Variants in NREP observed in about 807,000 individuals in gnomAD.
NREP encodes neuronal regeneration-related protein.
Under a neutral mutation model 8.6 loss-of-function variants are expected in NREP, and 5 were observed. The ratio of observed to expected loss-of-function variants is 0.58; its 90% CI spans 0.30 to 1.22. The LOEUF (loss-of-function observed/expected upper bound fraction) is 1.22, where lower values mean the gene tolerates loss of function less well. Ranked by LOEUF, NREP falls within the 50% of genes most tolerant of loss-of-function variation. NREP has a pLI of 0.07. For missense variants in NREP, 86 were observed against 82.5 expected, an observed-to-expected ratio of 1.04 and a Z score of -0.17; for synonymous variants, 27 against 28.0, an observed-to-expected ratio of 0.96 and a Z score of 0.11.
chr5:111,906,289 G>T (rs1754776184), intron 2 of NREP, among the ~76,000 whole-genome samples: 1 of 151,686 alleles, frequency 6.6e-6, no homozygotes, highest in African/African-American at 2.4e-5. Flanking sequence ...TGTGGTAAAA[G>T]ATCAATATTT....
At chr5:111,785,017 A>C (rs1751576442) in intron 2 of NREP, among the ~76,000 whole-genome samples, 1 of 152,104 alleles carries the variant, frequency 6.6e-6, no homozygotes. Context: ...GGAGTTATAC[A>C]GTCATTGACT....
intron 3 of NREP, chr5:111,735,056 A>C (rs1292867778): frequency 3.0e-6 from 1 of 335,366 alleles, no homozygotes; most frequent in Non-Finnish European, 5.4e-6. Flanking sequence ...TAATCTTATC[A>C]GACCTTCAGA....
At chr5:111,935,557 C>A (rs1755659768) in intron 2 of NREP, among the ~76,000 whole-genome samples, 1 of 152,032 alleles carries the variant, frequency 6.6e-6, no homozygotes, top group African/African-American at 2.4e-5. Flanking sequence ...AGGGAGAAGG[C>A]AGAGATAAAG....
chr5:111,898,954 GA>G lies in NREP; in HGVS notation c.135+76319del, dbSNP rs970597988. Among the ~76,000 whole-genome samples, 92 of 146,886 alleles carry G rather than the reference GA, an allele frequency of 6.3e-4. 2 individuals are homozygous for G. The East Asian group carries it at 0.012, about 20-fold the overall frequency. ...AGGTGATATATTCAAAGTGCTGCAA[GA>G]AAAAAAAAATGTCAGCCAAGAACAC... On this transcript the variant is annotated intron_variant, in intron 2 of 3. Transcript: ENST00000395634.
intron 2 of NREP, among the ~76,000 whole-genome samples, chr5:111,913,508 C>T (rs752120258): frequency 6.6e-6 from 1 of 152,070 alleles, no homozygotes; most frequent in Admixed American, 6.6e-5. Flanking sequence ...AAAGGATAGA[C>T]ATCTTCCCAG....
rs1466224156 is a variant in NREP at position 111,943,481 on chromosome 5, G to C, written c.135+31793C>G. ...GATTACTCTTAAACCTATATCTCTA[G>C]CTTGAACTTCTACCCTGAGCTCCAG... On this transcript the variant is annotated intron_variant, in intron 2 of 3. Transcript: ENST00000395634. 2.0e-5 allele frequency among the ~76,000 whole-genome samples: 3 copies of C among 151,982 alleles called. No homozygotes were observed. The South Asian group carries it at 6.2e-4, about 32-fold the overall frequency.
intron 2 of NREP, among the ~76,000 whole-genome samples, chr5:111,932,308 G>T (rs985007124): frequency 6.6e-6 from 1 of 151,954 alleles, no homozygotes; most frequent in Non-Finnish European, 1.5e-5. Flanking sequence ...GGATGAGAAA[G>T]AGCTCATCAC....
intron 2 of NREP, among the ~76,000 whole-genome samples, chr5:111,876,311 CTT>C (rs1033644269): frequency 2.6e-5 from 4 of 152,168 alleles, no homozygotes; most frequent in African/African-American, 9.7e-5. Context: ...GGTGAGGACT[CTT>C]TTGCCCTCAC....
intron 2 of NREP, among the ~76,000 whole-genome samples, chr5:111,900,004 T>G (rs1459860850): frequency 6.6e-6 from 1 of 152,088 alleles, no homozygotes; most frequent in Non-Finnish European, 1.5e-5. Context: ...ATTCTTCTCA[T>G]CAGCACATGG....
chr5:111,836,225 A>G (rs534161526), intron 2 of NREP, among the ~76,000 whole-genome samples: 2 of 152,290 alleles, frequency 1.3e-5, no homozygotes, highest in East Asian at 3.9e-4. Flanking sequence ...GTCTATAGAA[A>G]GAATGAATGA....
intron 2 of NREP, among the ~76,000 whole-genome samples, chr5:111,909,986 T>C (rs1754869510): frequency 6.6e-6 from 1 of 152,150 alleles, no homozygotes; most frequent in African/African-American, 2.4e-5. Flanking sequence ...GATTTCTTTC[T>C]TTTCATGTAA....
intron 2 of NREP, among the ~76,000 whole-genome samples, chr5:111,906,801 T>TGTG (rs1282186629): frequency 6.6e-5 from 10 of 152,162 alleles, no homozygotes; most frequent in African/African-American, 2.4e-4. Context: ...TTATTTGGCA[T>TGTG]CTAAGTATCT....
intron 2 of NREP, among the ~76,000 whole-genome samples, chr5:111,888,179 T>C (rs1754307020): frequency 6.6e-6 from 1 of 152,244 alleles, no homozygotes; most frequent in South Asian, 2.1e-4. Flanking sequence ...TTTTAAATTA[T>C]GAAGCATTAA....
chr5:111,850,332 C>G (rs1753278123), intron 2 of NREP, among the ~76,000 whole-genome samples: 1 of 152,108 alleles, frequency 6.6e-6, no homozygotes, highest in Admixed American at 6.6e-5. Context: ...TGACTTTATT[C>G]AATACAGCCA....
chr5:111,951,685 A>G (rs1423786525), intron 2 of NREP, among the ~76,000 whole-genome samples: 2 of 152,110 alleles, frequency 1.3e-5, no homozygotes, highest in Non-Finnish European at 2.9e-5. Context: ...AAAGTAATGT[A>G]CCAATTTTCA....
intron 2 of NREP, among the ~76,000 whole-genome samples, chr5:111,967,384 C>T (rs529674374): frequency 3.3e-5 from 5 of 152,110 alleles, no homozygotes; most frequent in Non-Finnish European, 7.4e-5. Context: ...CACTTTAATT[C>T]GTATTACACA....
chr5:111,919,536 T>A (rs985583408), intron 2 of NREP, among the ~76,000 whole-genome samples: 1 of 152,082 alleles, frequency 6.6e-6, no homozygotes, highest in African/African-American at 2.4e-5. Context: ...TGGAATACTA[T>A]GCAGCCATAA....
intron 2 of NREP, among the ~76,000 whole-genome samples, chr5:111,880,748 T>A (rs1346896080): frequency 6.7e-6 from 1 of 148,742 alleles, no homozygotes; most frequent in African/African-American, 2.5e-5. Context: ...TTTTTTTTTT[T>A]TTTTTTGAGA....
chr5:111,863,872 C>T (rs1753606020), intron 2 of NREP, among the ~76,000 whole-genome samples: 1 of 152,104 alleles, frequency 6.6e-6, no homozygotes, highest in East Asian at 1.9e-4. Context: ...CCATGTGGGA[C>T]TGTTTGGACT....
Sources: gnomAD v4.1 joint callset for allele counts (sites outside exome capture counted in the v4.1 genomes callset) on GRCh38, gnomAD v4.1.1 for gene constraint, MANE v1.5 for transcripts, NCBI Gene and HGNC (gene_info 2026-07-23, HGNC 2026-07-21) for gene names.